The following DERA variants were observed in gnomAD, a reference collection of about 807,000 sequenced individuals.
DERA encodes the protein 2-deoxy-D-ribose 5-phosphate aldolase.
A neutral mutation model predicts 41.1 loss-of-function variants in DERA; 15 were observed. That is an observed-to-expected ratio of 0.37 (90% CI 0.24 to 0.56). The LOEUF (loss-of-function observed/expected upper bound fraction) is 0.56, where lower values mean the gene tolerates loss of function less well. Ranked by LOEUF, DERA falls within the 20% of genes least tolerant of loss-of-function variation. The pLI, the probability that DERA is intolerant of heterozygous loss-of-function variation, is 0.81. For missense variants in DERA, 396 were observed against 403.4 expected, an observed-to-expected ratio of 0.98 and a Z score of 0.16; for synonymous variants, 139 against 137.4, an observed-to-expected ratio of 1.01 and a Z score of -0.08.
At chr12:15,962,729 A>ATG in intron 4 of DERA, 84 bp from the exon 5 acceptor site, 1 of 1,215,284 alleles carries the variant, frequency 8.2e-7, no homozygotes, top group Non-Finnish European at 1.1e-6. Context: ...TGACCAATTG[A>ATG]AATTTGTTTT....
At position 15,921,442 on chromosome 12, in the gene DERA, GA is replaced by G. The variant is rs1302272877; in HGVS notation, c.31+10035del. 6.6e-6 allele frequency among the ~76,000 whole-genome samples: 1 copy of G among 152,074 alleles called. No individual in the cohort carries two copies. The highest frequency in any genetic ancestry group is 2.4e-5 in the African/African-American group (1 of 41,424). On this transcript the variant is annotated intron_variant, in intron 1 of 8. Transcript: ENST00000428559. This position sits in a 1 kb window ranked among gnomAD's most constrained non-coding sequence, Gnocchi z 5.3. ...GAGTAATTCCGTTAATTTTCTGGTAGAAAAAAACATATTCATGTTTCCTTGA... is the reference window on the plus strand; with the variant it reads ...GAGTAATTCCGTTAATTTTCTGGTAGAAAAAACATATTCATGTTTCCTTGA...
chr12:15,988,792 G>C lies in DERA; in HGVS notation c.637+6356G>C, dbSNP rs1034597299. ...CCACCACCATCATCATGTTGTCCACGGCACCCAGGCTATTCACACTGAGGG... is the reference window on the plus strand; with the variant it reads ...CCACCACCATCATCATGTTGTCCACCGCACCCAGGCTATTCACACTGAGGG... On this transcript the variant is annotated intron_variant, in intron 6 of 8. Coordinates refer to ENST00000428559, the MANE Select transcript of DERA (RefSeq NM_015954.4). This position sits in a 1 kb window ranked among gnomAD's most constrained non-coding sequence, Gnocchi z 6.0. Among the ~76,000 whole-genome samples, 2 of 152,108 alleles carry C rather than the reference G, an allele frequency of 1.3e-5. No homozygotes were observed. The highest frequency in any genetic ancestry group is 2.9e-5 in the Non-Finnish European group (2 of 68,010).
At chr12:15,962,279 C>A (rs868460216) in intron 4 of DERA, among the ~76,000 whole-genome samples, 1 of 152,114 alleles carries the variant, frequency 6.6e-6, no homozygotes, top group Non-Finnish European at 1.5e-5. Context: ...TGCTCATCTG[C>A]CAGGCTGGTT....
At chr12:15,960,866 C>T (rs1948582681) in intron 4 of DERA, among the ~76,000 whole-genome samples, 1 of 152,056 alleles carries the variant, frequency 6.6e-6, no homozygotes, top group African/African-American at 2.4e-5. Context: ...AGGCACAAAG[C>T]ATGTTCAGGG....
chr12:15,991,476 T>C (rs2136167789), intron 6 of DERA, among the ~76,000 whole-genome samples: 1 of 152,268 alleles, frequency 6.6e-6, no homozygotes, highest in East Asian at 1.9e-4. Context: ...TTTTTTATTT[T>C]GGATGCCATA....
At chr12:15,926,429 T>G (rs1287014480) in intron 1 of DERA, among the ~76,000 whole-genome samples, 1 of 152,104 alleles carries the variant, frequency 6.6e-6, no homozygotes, top group African/African-American at 2.4e-5. Flanking sequence ...ATTTCGAATA[T>G]GCAGTAGGCA....
At chr12:15,916,740 C>T (rs1458043938) in intron 1 of DERA, among the ~76,000 whole-genome samples, 5 of 152,228 alleles carry the variant, frequency 3.3e-5, no homozygotes, top group East Asian at 3.9e-4. Flanking sequence ...CATGAGCCGT[C>T]GCACCTGGCA....
rs117338845 is a variant in DERA, at chr12:15,950,788, A to G, written c.32-6148A>G. On this transcript the variant is annotated intron_variant, in intron 1 of 8. Transcript: ENST00000428559. ...TCATTGTAGCTCAGATGTATAATAT[A>G]GTTAATAGATATTTATGTGTTTATC... Among the ~76,000 whole-genome samples the G allele has an allele frequency of 4.0e-3, 606 of 152,338 alleles. 1 individual carries two copies. The highest frequency in any genetic ancestry group is 6.3e-3 in the Non-Finnish European group (430 of 68,034).
intron 6 of DERA, among the ~76,000 whole-genome samples, chr12:16,027,110 T>A (rs1272622182): frequency 6.6e-6 from 1 of 152,090 alleles, no homozygotes. Context: ...TAAGAAAGCC[T>A]CGGCAAACTA....
At chr12:15,963,705 G>A (rs943899188) in intron 5 of DERA, among the ~76,000 whole-genome samples, 1 of 152,092 alleles carries the variant, frequency 6.6e-6, no homozygotes, top group Non-Finnish European at 1.5e-5. Flanking sequence ...AGCCAGGATA[G>A]TATATTGTCT....
intron 1 of DERA, among the ~76,000 whole-genome samples, chr12:15,953,275 TAAAATC>T (rs1379521082): frequency 6.6e-6 from 1 of 152,152 alleles, no homozygotes; most frequent in East Asian, 1.9e-4. Flanking sequence ...GGAACAAAGT[TAAAATC>T]AAAATAGAAA....
chr12:16,015,636 A>G (rs183072537), intron 6 of DERA, among the ~76,000 whole-genome samples: 1 of 152,336 alleles, frequency 6.6e-6, no homozygotes, highest in Admixed American at 6.5e-5. Context: ...AACCTTATCT[A>G]TGGAGTGAAG....
Position 15,958,005 on chromosome 12 carries a change from C to G in DERA, c.130-183C>G, listed in dbSNP as rs547448695. Among the ~76,000 whole-genome samples, 4 of 152,258 alleles carry G rather than the reference C, an allele frequency of 2.6e-5. No individual in the cohort carries two copies. The East Asian group carries it at 7.7e-4, about 29-fold the overall frequency. On this transcript the variant is annotated intron_variant, in intron 2 of 8. Coordinates refer to ENST00000428559, the MANE Select transcript of DERA (RefSeq NM_015954.4). The stretch of plus-strand genomic sequence containing the variant: ...CCTCCCTTTTATTTTGGGCAGTGTT[C>G]ACCTTGTTAGTGGCTCTTGAGCTGT...
rs560848992 is a variant in DERA at position 15,957,008 on chromosome 12, G to A, written c.104G>A (p.Arg35His). The A allele has an allele frequency of 3.7e-6, 6 of 1,613,696 alleles. No individual in the cohort carries two copies. In the African/African-American group the frequency reaches 4.0e-5, roughly 11 times the overall value. ...AGGCGTGCGGAACAAATCCAGGCTC[G>A]CAGAACCGTGAAAAAGGAGTGGCAG... Reference protein sequence around the residue: ...VLRRAEQIQARRTVKKEWQAA... With the variant: ...VLRRAEQIQAHRTVKKEWQAA... Residue 35 changes from arginine (R) to histidine (H), a missense_variant, in exon 2 of 9, where the codon CGC becomes CAC. Transcript: ENST00000428559. This position sits in a 1 kb window ranked among gnomAD's most constrained non-coding sequence, Gnocchi z 4.8.
intron 6 of DERA, among the ~76,000 whole-genome samples, chr12:16,022,188 G>C (rs1355072813): frequency 6.6e-6 from 1 of 152,142 alleles, no homozygotes; most frequent in Non-Finnish European, 1.5e-5. Context: ...CATCCCCTTG[G>C]TGATGAATGA....
Position 15,984,589 on chromosome 12 carries a change from G to A in DERA, c.637+2153G>A, listed in dbSNP as rs1948752326. Among the ~76,000 whole-genome samples, 1 of 152,036 alleles carries A rather than the reference G, an allele frequency of 6.6e-6. No homozygotes were observed. Among genetic ancestry groups the A allele is most frequent in the South Asian group, 2.1e-4 (1 of 4,822 alleles). ...ATCTAGGATTGTGTGACTTGTTTAAGGTCACAAAGCTAATAAATAACCTGT... is the reference window on the plus strand; with the variant it reads ...ATCTAGGATTGTGTGACTTGTTTAAAGTCACAAAGCTAATAAATAACCTGT... On this transcript the variant is annotated intron_variant, in intron 6 of 8. Transcript: ENST00000428559. This position sits in a 1 kb window ranked among gnomAD's most constrained non-coding sequence, Gnocchi z 4.5.
intron 7 of DERA, chr12:16,033,006 A>C (rs1284051700): frequency 4.6e-6 from 1 of 215,082 alleles, no homozygotes; most frequent in Admixed American, 5.3e-5. Flanking sequence ...GGTGTTGGCC[A>C]GTGAAAACAG....
In DERA at chr12:15,941,963, A is replaced by G. The variant is rs575913257; in HGVS notation, c.32-14973A>G. The stretch of plus-strand genomic sequence containing the variant: ...ACTGTTTTCTGTAGTGGTTGTACTA[A>G]TTTACATTCCCATCACCAATGTAAA... On this transcript the variant is annotated intron_variant, in intron 1 of 8. Transcript: ENST00000428559. The surrounding 1 kb of genome is among the most constrained non-coding windows in gnomAD (Gnocchi z 4.5). Among the ~76,000 whole-genome samples the G allele has an allele frequency of 1.8e-4, 28 of 152,286 alleles. No individual in the cohort carries two copies. The highest frequency in any genetic ancestry group is 6.7e-4 in the African/African-American group (28 of 41,560).
intron 1 of DERA, among the ~76,000 whole-genome samples, chr12:15,932,533 C>T (rs1241683826): frequency 2.0e-5 from 3 of 151,774 alleles, no homozygotes; most frequent in Non-Finnish European, 4.4e-5. Context: ...GCCTGTAGTC[C>T]CAGCTACTTG....
Sources: gnomAD v4.1 joint callset for allele counts (sites outside exome capture counted in the v4.1 genomes callset) on GRCh38, gnomAD v4.1.1 for gene constraint, Gnocchi (gnomAD v3.1) non-coding constraint, MANE v1.5 for transcripts, NCBI Gene and HGNC (gene_info 2026-07-23, HGNC 2026-07-21) for gene names.